Variants in RAD51B observed in about 807,000 individuals in gnomAD.
The protein encoded by RAD51B is RAD51 paralog B.
A neutral mutation model predicts 42.2 loss-of-function variants in RAD51B; 38 were observed. The observed-to-expected ratio is 0.90, with a 90% CI of 0.70 to 1.18. The LOEUF (loss-of-function observed/expected upper bound fraction) is 1.18. Ranked by LOEUF, RAD51B falls within the 50% of genes most tolerant of loss-of-function variation. RAD51B has a pLI of 0.00. For synonymous variants in RAD51B, 154 were observed against 145.2 expected (o/e 1.06, Z -0.43); for missense variants, 373 against 400.7 (o/e 0.93, Z 0.59).
At chr14:68,456,862 T>C (rs867403245) in intron 9 of RAD51B, among the ~76,000 whole-genome samples, 59 of 125,360 alleles carry the variant, frequency 4.7e-4, no homozygotes, top group African/African-American at 1.6e-3. Flanking sequence ...CCAATCACAA[T>C]GGAATGATTT....
intron 7 of RAD51B, among the ~76,000 whole-genome samples, chr14:67,916,872 T>C (rs1180518518): frequency 6.6e-6 from 1 of 152,212 alleles, no homozygotes; most frequent in Non-Finnish European, 1.5e-5. Flanking sequence ...CAGTTTCCAT[T>C]CTAATGGTAG....
intron 10 of RAD51B, among the ~76,000 whole-genome samples, chr14:68,483,719 T>C (rs1883383698): frequency 6.6e-6 from 1 of 152,242 alleles, no homozygotes; most frequent in South Asian, 2.1e-4. Flanking sequence ...TTATTATTCT[T>C]TCAGTAATGA....
chr14:68,240,012 G>T (rs1009495253), intron 7 of RAD51B, among the ~76,000 whole-genome samples: 2 of 152,196 alleles, frequency 1.3e-5, no homozygotes, highest in East Asian at 3.9e-4. Flanking sequence ...GAACATCCAC[G>T]AAGGCATCAG....
At chr14:68,076,754 C>T (rs1258988571) in intron 7 of RAD51B, among the ~76,000 whole-genome samples, 4 of 152,112 alleles carry the variant, frequency 2.6e-5, no homozygotes, top group Admixed American at 1.3e-4. Flanking sequence ...AGAAATGACT[C>T]GCCACAATTT....
chr14:68,274,278 A>C (rs1024138819), intron 7 of RAD51B, among the ~76,000 whole-genome samples: 1 of 152,168 alleles, frequency 6.6e-6, no homozygotes, highest in Non-Finnish European at 1.5e-5. Flanking sequence ...CATTACTGTG[A>C]CAATGTAAGC....
At chr14:67,820,374 C>T (rs1425893243) in intron 1 of RAD51B, among the ~76,000 whole-genome samples, 1 of 151,916 alleles carries the variant, frequency 6.6e-6, no homozygotes, top group Non-Finnish European at 1.5e-5. Flanking sequence ...CAGTGTGGCA[C>T]GTAATAAGGG....
At chr14:68,282,074 T>C (rs12433646) in intron 7 of RAD51B, among the ~76,000 whole-genome samples, 3,100 of 151,992 alleles carry the variant, frequency 0.02, 81 homozygotes, top group African/African-American at 0.057. Context: ...CTCCACCTCC[T>C]GGGTTCAAGC....
intron 7 of RAD51B, among the ~76,000 whole-genome samples, chr14:67,998,614 G>C (rs1390260615): frequency 6.6e-6 from 1 of 152,168 alleles, no homozygotes; most frequent in Non-Finnish European, 1.5e-5. Context: ...TTATCTCAGG[G>C]TAAACGCTGC....
At chr14:67,993,464 C>T (rs1201825279) in intron 7 of RAD51B, among the ~76,000 whole-genome samples, 1 of 152,160 alleles carries the variant, frequency 6.6e-6, no homozygotes, top group Admixed American at 6.5e-5. Context: ...CTGCGTCTGG[C>T]TTACTTCACT....
At chr14:67,861,606 A>C in intron 4 of RAD51B, among the ~76,000 whole-genome samples, 1 of 151,654 alleles carries the variant, frequency 6.6e-6, no homozygotes, top group East Asian at 1.9e-4. Context: ...TGGGTGAAGC[A>C]TGTTTTTTTA....
intron 10 of RAD51B, among the ~76,000 whole-genome samples, chr14:68,498,051 T>C (rs1054230829): frequency 6.6e-6 from 1 of 152,240 alleles, no homozygotes; most frequent in African/African-American, 2.4e-5. Context: ...ACTTGACATA[T>C]GGTGATTCTA....
At chr14:68,153,089 T>C (rs2078424605) in intron 7 of RAD51B, among the ~76,000 whole-genome samples, 1 of 152,212 alleles carries the variant, frequency 6.6e-6, no homozygotes, top group Non-Finnish European at 1.5e-5. Context: ...TATGGTAGAA[T>C]GATTTATATT....
At chr14:68,383,383 C>T (rs893259680) in intron 8 of RAD51B, among the ~76,000 whole-genome samples, 2 of 152,092 alleles carry the variant, frequency 1.3e-5, no homozygotes, top group South Asian at 4.2e-4. Context: ...GCTAAGCATC[C>T]TACAATAAAC....
intron 7 of RAD51B, among the ~76,000 whole-genome samples, chr14:67,950,004 G>A (rs1294993121): frequency 6.6e-6 from 1 of 152,228 alleles, no homozygotes; most frequent in Admixed American, 6.5e-5. Flanking sequence ...AGACCTTATT[G>A]TTCCATTTCT....
chr14:68,563,513 A>G (rs961446722), intron 10 of RAD51B: 3 of 985,390 alleles, frequency 3.0e-6, no homozygotes, highest in African/African-American at 3.5e-5. Flanking sequence ...ACATTCTTCC[A>G]TAAGTAGCTG....
At position 68,314,742 on chromosome 14, in the gene RAD51B, C is replaced by T. The variant is rs74604868; in HGVS notation, c.853+22762C>T. ...GTGTCCAAGCTTTGATCCTCTGGCC[C>T]TTATGACAGGCAATGATGGTTCAGA... On this transcript the variant is annotated intron_variant, in intron 8 of 10. Coordinates refer to ENST00000471583, the MANE Select transcript of RAD51B (RefSeq NM_133510.4). Among the ~76,000 whole-genome samples, 1,025 of 152,252 alleles carry T rather than the reference C, an allele frequency of 6.7e-3. 10 individuals are homozygous for T. The highest frequency in any genetic ancestry group is 0.023 in the African/African-American group (973 of 41,514).
intron 8 of RAD51B, among the ~76,000 whole-genome samples, chr14:68,331,380 A>AAAAAAAAAAAAAAAAAAAAAAAAAAAAAC (rs1566813651): frequency 6.7e-6 from 1 of 148,348 alleles, no homozygotes; most frequent in Non-Finnish European, 1.5e-5. Context: ...AAAAAAAAAA[A>AAAAAAAAAAAAAAAAAAAAAAAAAAAAAC]AAAAAGCAAT....
intron 7 of RAD51B, among the ~76,000 whole-genome samples, chr14:67,889,092 A>G (rs1420561483): frequency 6.6e-6 from 1 of 152,198 alleles, no homozygotes; most frequent in Non-Finnish European, 1.5e-5. Flanking sequence ...CTGAAAAAAT[A>G]GGTACTGAAT....
At chr14:68,455,739 T>A (rs571496051) in intron 9 of RAD51B, among the ~76,000 whole-genome samples, 95 of 149,252 alleles carry the variant, frequency 6.4e-4, no homozygotes, top group African/African-American at 1.3e-3. Context: ...AAAAAAAAAT[T>A]TTTTTTTAAA....
Sources: allele counts gnomAD v4.1 joint callset (sites outside exome capture counted in the v4.1 genomes callset), GRCh38; gene constraint gnomAD v4.1.1; transcripts MANE v1.5; gene names NCBI Gene and HGNC (gene_info 2026-07-23, HGNC 2026-07-21).